Variants in VOPP1 observed in about 807,000 individuals in gnomAD.
VOPP1 encodes the protein VOPP1 WW domain binding protein, also known as WW domain binding protein VOPP1.
In VOPP1, 8 loss-of-function variants were observed where a neutral mutation model predicts 23.5. The ratio of observed to expected loss-of-function variants is 0.34; its 90% CI spans 0.20 to 0.61. VOPP1 has a LOEUF of 0.61. Ranked by LOEUF, VOPP1 falls within the 20% of genes least tolerant of loss-of-function variation. VOPP1 has a pLI of 0.78. For synonymous variants in VOPP1, 83 were observed against 97.3 expected (o/e 0.85, Z 0.86); for missense variants, 174 against 238.1 (o/e 0.73, Z 1.77).
At chr7:55,451,735 G>T (rs555134567) in intron 4 of VOPP1, among the ~76,000 whole-genome samples, 10 of 152,344 alleles carry the variant, frequency 6.6e-5, no homozygotes, top group African/African-American at 2.4e-4. Context: ...AGATTGCAGT[G>T]AGCCAAGATC....
intron 1 of VOPP1, among the ~76,000 whole-genome samples, chr7:55,531,185 T>G (rs1041436049): frequency 6.6e-6 from 1 of 152,248 alleles, no homozygotes; most frequent in Non-Finnish European, 1.5e-5. Context: ...GTGGGAGACT[T>G]CATTAGAATA....
intron 1 of VOPP1, among the ~76,000 whole-genome samples, chr7:55,563,393 T>C (rs1050091779): frequency 6.6e-6 from 1 of 152,230 alleles, no homozygotes; most frequent in Non-Finnish European, 1.5e-5. Context: ...AAAAGAGTGA[T>C]ATTATAGTTG....
intron 4 of VOPP1, among the ~76,000 whole-genome samples, chr7:55,449,714 T>G (rs1791194976): frequency 6.6e-6 from 1 of 152,016 alleles, no homozygotes; most frequent in Non-Finnish European, 1.5e-5. Flanking sequence ...GAGCCTGTCC[T>G]GGGAGAGGAG....
At chr7:55,516,678 C>T (rs1165944091) in intron 2 of VOPP1, among the ~76,000 whole-genome samples, 1 of 152,028 alleles carries the variant, frequency 6.6e-6, no homozygotes, top group Non-Finnish European at 1.5e-5. Flanking sequence ...CTAGATGTTC[C>T]CTCCTCAATG....
downstream of VOPP1, among the ~76,000 whole-genome samples, chr7:55,435,173 AG>A (rs1790793758): frequency 6.6e-6 from 1 of 152,270 alleles, no homozygotes; most frequent in East Asian, 1.9e-4. Flanking sequence ...GGTCCTCAGG[AG>A]GCATTGAGCC....
chr7:55,498,661 T>C lies in VOPP1; in HGVS notation c.114-971A>G, dbSNP rs139105760. ...AACCATTACCTAATTGTGATCTAGG[T>C]TCCTGCCAGTTTTTTTCCTTTAAAA... On this transcript the variant is annotated intron_variant, in intron 2 of 4. Coordinates refer to ENST00000285279, the MANE Select transcript of VOPP1 (RefSeq NM_030796.5). Among the ~76,000 whole-genome samples, 131 of 152,288 alleles carry C rather than the reference T, an allele frequency of 8.6e-4. 1 individual carries two copies. The East Asian group carries it at 0.024, about 28-fold the overall frequency.
chr7:55,566,935 A>T (rs1281009305), intron 1 of VOPP1, among the ~76,000 whole-genome samples: 1 of 152,228 alleles, frequency 6.6e-6, no homozygotes, highest in African/African-American at 2.4e-5. Flanking sequence ...TGTCATTGTG[A>T]TATTTCTGAA....
intron 1 of VOPP1, among the ~76,000 whole-genome samples, chr7:55,540,718 C>G (rs929386160): frequency 6.6e-6 from 1 of 152,222 alleles, no homozygotes; most frequent in African/African-American, 2.4e-5. Flanking sequence ...GCTGCTTCCC[C>G]TAAGTGTCAG....
At chr7:55,528,257 T>C (rs1423096244) in intron 1 of VOPP1, among the ~76,000 whole-genome samples, 1 of 152,214 alleles carries the variant, frequency 6.6e-6, no homozygotes, top group Admixed American at 6.5e-5. Flanking sequence ...TTATACATTA[T>C]AGGAAACAGA....
At chr7:55,567,835 G>A (rs1424226687) in intron 1 of VOPP1, among the ~76,000 whole-genome samples, 7 of 152,166 alleles carry the variant, frequency 4.6e-5, no homozygotes. Context: ...TCTTAAGAGT[G>A]GGTGGGCTGA....
intron 1 of VOPP1, among the ~76,000 whole-genome samples, chr7:55,549,804 C>T (rs528179737): frequency 1.1e-4 from 16 of 152,244 alleles, no homozygotes; most frequent in Non-Finnish European, 1.9e-4. Context: ...AGAGTATGCA[C>T]ACATTCTACA....
intron 2 of VOPP1, among the ~76,000 whole-genome samples, chr7:55,510,670 G>A (rs1359022188): frequency 6.6e-6 from 1 of 150,486 alleles, no homozygotes. Flanking sequence ...GACCTGGCCT[G>A]CCACAATGCT....
intron 1 of VOPP1, among the ~76,000 whole-genome samples, chr7:55,524,810 C>T (rs1052206179): frequency 1.3e-5 from 2 of 152,086 alleles, no homozygotes; most frequent in African/African-American, 4.8e-5. Flanking sequence ...GGTTGAGAGC[C>T]GGGTGCTGCC....
In VOPP1 at chr7:55,527,495, C is replaced by T. The variant is rs376957746; in HGVS notation, c.55-6365G>A. Reference sequence around the variant, plus strand: ...TGCAGGCTGTAAACCTTAAACGAAGCCCAACCACAGATCCCCAGGGAAATT... The same window carrying T: ...TGCAGGCTGTAAACCTTAAACGAAGTCCAACCACAGATCCCCAGGGAAATT... On this transcript the variant is annotated intron_variant, in intron 1 of 4. Coordinates refer to ENST00000285279, the MANE Select transcript of VOPP1 (RefSeq NM_030796.5). Among the ~76,000 whole-genome samples the T allele has an allele frequency of 3.9e-5, 6 of 152,290 alleles. No homozygotes were observed. In the East Asian group the frequency reaches 1.2e-3, roughly 29 times the overall value.
intron 1 of VOPP1, among the ~76,000 whole-genome samples, chr7:55,541,669 G>A (rs1797138456): frequency 6.6e-6 from 1 of 152,230 alleles, no homozygotes; most frequent in Admixed American, 6.5e-5. Flanking sequence ...GTTCACAGCA[G>A]CATTATTCAC....
chr7:55,553,280 G>C (rs1162953000), intron 1 of VOPP1, among the ~76,000 whole-genome samples: 1 of 152,150 alleles, frequency 6.6e-6, no homozygotes, highest in African/African-American at 2.4e-5. Flanking sequence ...ACACCTAACA[G>C]GATTTTATTG....
chr7:55,503,398 T>C (rs1220220104), intron 2 of VOPP1, among the ~76,000 whole-genome samples: 1 of 152,208 alleles, frequency 6.6e-6, no homozygotes, highest in African/African-American at 2.4e-5. Context: ...GTATGGCCAC[T>C]GGACACATTT....
chr7:55,562,709 G>A (rs1223935777), intron 1 of VOPP1, among the ~76,000 whole-genome samples: 4 of 152,156 alleles, frequency 2.6e-5, no homozygotes, highest in Non-Finnish European at 5.9e-5. Flanking sequence ...GATATTAAGC[G>A]TGAGGGGATG....
At chr7:55,522,612 G>T (rs1176107780) in intron 1 of VOPP1, among the ~76,000 whole-genome samples, 3 of 152,062 alleles carry the variant, frequency 2.0e-5, no homozygotes, top group Non-Finnish European at 4.4e-5. Flanking sequence ...CACCGCCACC[G>T]ACAGCCAAAC....
Sources: gnomAD v4.1 joint callset for allele counts (sites outside exome capture counted in the v4.1 genomes callset) on GRCh38, gnomAD v4.1.1 for gene constraint, MANE v1.5 for transcripts, NCBI Gene and HGNC (gene_info 2026-07-23, HGNC 2026-07-21) for gene names.